DAG1: variants seen among roughly 807,000 people sequenced by gnomAD.
DAG1 encodes dystroglycan 1 (dystrophin-associated glycoprotein 1).
A neutral mutation model predicts 46.1 loss-of-function variants in DAG1; 8 were observed. That is an observed-to-expected ratio of 0.17 (90% CI 0.10 to 0.31). The LOEUF is 0.31. Among genes scored for constraint, DAG1 ranks in the 10% least tolerant of loss-of-function variants. The pLI is 1.00. For synonymous variants in DAG1, 495 were observed against 481.8 expected (o/e 1.03, Z -0.36); for missense variants, 1,003 against 1,189.9 (o/e 0.84, Z 2.31).
intron 2 of DAG1, among the ~76,000 whole-genome samples, chr3:49,527,447 G>A (rs1249393681): frequency 3.3e-5 from 5 of 152,072 alleles, no homozygotes; most frequent in Middle Eastern, 3.4e-3. Flanking sequence ...GCATGAACCC[G>A]GGAGGCGGAG....
chr3:49,514,805 A>ATG (rs138689783), intron 2 of DAG1, among the ~76,000 whole-genome samples: 31,016 of 145,378 alleles, frequency 0.21, 3,386 homozygotes, highest in Middle Eastern at 0.28. Flanking sequence ...CTCCTGGCAT[A>ATG]TGTGTGTGTG....
intron 2 of DAG1, among the ~76,000 whole-genome samples, chr3:49,525,290 C>A (rs934485336): frequency 1.3e-5 from 2 of 152,166 alleles, no homozygotes; most frequent in Admixed American, 6.5e-5. Flanking sequence ...CCAAAATTTG[C>A]AGAGGGGAAA....
chr3:49,526,710 C>CT (rs1254837096), intron 2 of DAG1, among the ~76,000 whole-genome samples: 1 of 152,220 alleles, frequency 6.6e-6, no homozygotes, highest in African/African-American at 2.4e-5. Context: ...GAGTGAGACT[C>CT]TGTCTCAAAA....
Position 49,512,454 on chromosome 3 carries a change from C to G in DAG1, c.285+1635C>G, listed in dbSNP as rs1252262744. Among the ~76,000 whole-genome samples, 16 of 151,892 alleles carry G rather than the reference C, an allele frequency of 1.1e-4. No homozygotes were observed. The South Asian group carries it at 1.3e-3, about 12-fold the overall frequency. The stretch of plus-strand genomic sequence containing the variant: ...TCACCCAAGCTGGAATGCAATGACA[C>G]AATCTCAGCTCACTGCAACCTCCAT... On this transcript the variant is annotated intron_variant, in intron 2 of 2. Transcript: ENST00000308775.
At chr3:49,525,920 G>T (rs1444289539) in intron 2 of DAG1, among the ~76,000 whole-genome samples, 1 of 150,994 alleles carries the variant, frequency 6.6e-6, no homozygotes, top group African/African-American at 2.4e-5. Context: ...GTGCAATCTC[G>T]GCTCACTTCA....
chr3:49,516,090 G>A (rs1017968774), intron 2 of DAG1, among the ~76,000 whole-genome samples: 1 of 152,074 alleles, frequency 6.6e-6, no homozygotes, highest in East Asian at 1.9e-4. Flanking sequence ...TTTGTCATGG[G>A]TACAGCCATA....
In DAG1 at chr3:49,512,538, C is replaced by T. The variant is rs568821011; in HGVS notation, c.285+1719C>T. Among the ~76,000 whole-genome samples, 13 of 151,738 alleles carry T rather than the reference C, an allele frequency of 8.6e-5. No homozygotes were observed. The South Asian group carries it at 2.3e-3, about 27-fold the overall frequency. On this transcript the variant is annotated intron_variant, in intron 2 of 2. Transcript: ENST00000308775. ...TCCCAAGTAGCTGGGATTACAGGTG[C>T]GCACCACCATGCCCGGCTAATTTTT... is the stretch of plus-strand genomic sequence containing the variant.
chr3:49,496,007 T>C (rs987517128), intron 1 of DAG1, among the ~76,000 whole-genome samples: 1 of 152,098 alleles, frequency 6.6e-6, no homozygotes, highest in African/African-American at 2.4e-5. Context: ...GGCCTCAGTT[T>C]ATCCTTTTCT....
In DAG1 at chr3:49,474,062, A is replaced by G. The variant is rs1045312677; in HGVS notation, c.-117+3629A>G. On this transcript the variant is annotated intron_variant, in intron 1 of 2. Transcript: ENST00000308775. ...GCCATCACTCCTGGCTAATATATGT[A>G]TATATTTTTTGAGACCGAGTCTTGC... Among the ~76,000 whole-genome samples, 10 of 150,798 alleles carry G rather than the reference A, an allele frequency of 6.6e-5. No homozygotes were observed. The South Asian group carries it at 2.1e-3, about 32-fold the overall frequency.
chr3:49,532,017 T>C lies in DAG1; in HGVS notation c.1506T>C (p.His502=). Residue 502 remains histidine (H), a synonymous_variant, in exon 3 of 3, where the codon CAT becomes CAC. Transcript: ENST00000308775. The surrounding 1 kb of genome is among the most constrained non-coding windows in gnomAD (Gnocchi z 5.4). ...ACCAGCGCCCAGAGCTCAAGAACCATATTGACAGGGTAGATGCCTGGGTTG... is the reference window on the plus strand; with the variant it reads ...ACCAGCGCCCAGAGCTCAAGAACCACATTGACAGGGTAGATGCCTGGGTTG... The part of the protein sequence containing the change: ...EPNQRPELKN[H]IDRVDAWVGT... 6.2e-6 allele frequency: 10 copies of C among 1,614,008 alleles called. No homozygotes were observed. Among genetic ancestry groups the C allele is most frequent in the Non-Finnish European group, 8.5e-6 (10 of 1,180,000 alleles).
At chr3:49,516,706 G>T (rs1045948751) in intron 2 of DAG1, among the ~76,000 whole-genome samples, 2 of 152,132 alleles carry the variant, frequency 1.3e-5, no homozygotes, top group Non-Finnish European at 2.9e-5. Flanking sequence ...ATCATTAAGT[G>T]CTTCCTTACT....
intron 1 of DAG1, among the ~76,000 whole-genome samples, chr3:49,488,279 G>A (rs1459100202): frequency 6.6e-6 from 1 of 152,180 alleles, no homozygotes; most frequent in African/African-American, 2.4e-5. Context: ...TAATGAAAGA[G>A]TTTGACAATA....
intron 1 of DAG1, among the ~76,000 whole-genome samples, chr3:49,476,233 T>C (rs767232555): frequency 2.6e-5 from 4 of 152,186 alleles, no homozygotes; most frequent in Non-Finnish European, 5.9e-5. Context: ...GCTGCATATT[T>C]AAAAAATTAC....
At chr3:49,469,583 G>A (rs2049453360), upstream of DAG1, among the ~76,000 whole-genome samples, 1 of 152,152 alleles carries the variant, frequency 6.6e-6, no homozygotes, top group African/African-American at 2.4e-5. Context: ...AGTGTTCCAG[G>A]CAGGGGGAGG....
At chr3:49,478,883 G>T (rs144728125) in intron 1 of DAG1, among the ~76,000 whole-genome samples, 2 of 129,200 alleles carry the variant, frequency 1.5e-5, no homozygotes, top group Non-Finnish European at 3.1e-5. Flanking sequence ...GCGTAATCTC[G>T]GCTCATTGCA....
At chr3:49,530,707 C>A in intron 2 of DAG1, 90 bp from the exon 3 acceptor site, 1 of 1,584,454 alleles carries the variant, frequency 6.3e-7, no homozygotes, top group Non-Finnish European at 8.6e-7. Context: ...ATACCTTAAA[C>A]CTGTCACACA....
At chr3:49,474,809 A>AG (rs908919783) in intron 1 of DAG1, among the ~76,000 whole-genome samples, 6 of 115,048 alleles carry the variant, frequency 5.2e-5, no homozygotes, top group Non-Finnish European at 1.1e-4. Context: ...TTAATTAATT[A>AG]GTTTTTTTTT....
In DAG1 at chr3:49,531,366, A is replaced by G. The variant is rs2107929680; in HGVS notation, c.855A>G (p.Ala285=). ...HGVEAPAREG[A]MSAQLGYPVV... is the part of the protein sequence containing the mutation. ...TAGAGGCCCCTGCCAGGGAGGGCGC[A>G]ATGTCTGCTCAGCTTGGCTACCCTG... is the stretch of plus-strand genomic sequence containing the variant. The change falls in exon 3 of 3, where the codon GCA becomes GCG. Residue 285 remains alanine (A), a synonymous_variant. Transcript: ENST00000308775. The surrounding 1 kb of genome is among the most constrained non-coding windows in gnomAD (Gnocchi z 7.0). The G allele has an allele frequency of 1.2e-6, 2 of 1,614,096 alleles. No homozygotes were observed.
intron 1 of DAG1, chr3:49,470,672 G>A (rs991741484): frequency 6.6e-6 from 1 of 152,222 alleles, no homozygotes; most frequent in African/African-American, 2.4e-5. Flanking sequence ...GCCGCGCGCC[G>A]CGGCGATGGG....
Sources: allele counts gnomAD v4.1 joint callset (sites outside exome capture counted in the v4.1 genomes callset), GRCh38; gene constraint gnomAD v4.1.1; non-coding constraint Gnocchi (gnomAD v3.1); transcripts MANE v1.5; gene names NCBI Gene and HGNC (gene_info 2026-07-23, HGNC 2026-07-21).